The following HYI variants were observed in gnomAD, a reference collection of about 807,000 sequenced individuals.
The protein encoded by HYI is putative hydroxypyruvate isomerase.
HYI carries 47 observed loss-of-function variants against 39.7 expected under a neutral mutation model. That is an observed-to-expected ratio of 1.18 (90% confidence interval 0.94 to 1.51). The LOEUF (loss-of-function observed/expected upper bound fraction) is 1.51, where lower values mean the gene tolerates loss of function less well. Ranked by LOEUF, HYI falls within the 40% of genes most tolerant of loss-of-function variation. The pLI, the probability that HYI is intolerant of heterozygous loss-of-function variation, is 0.00. For synonymous variants in HYI, 186 were observed against 158.8 expected (o/e 1.17, Z -1.29); for missense variants, 465 against 370.3 (o/e 1.26, Z -2.10).
At chr1:43,451,369 C>T (rs747330436) in intron 7 of HYI, 41 bp downstream of exon 7, 28 of 1,611,950 alleles carry the variant, frequency 1.7e-5, no homozygotes, top group Admixed American at 3.3e-5. Flanking sequence ...AGCCCCTGTC[C>T]GGGTCCCTCC....
chr1:43,451,464 G>A lies in HYI; in HGVS notation c.706C>T (p.Leu236=). 1 of 1,614,090 alleles carries A rather than the reference G, an allele frequency of 6.2e-7. No individual in the cohort carries two copies. The highest frequency in any genetic ancestry group is 8.5e-7 in the Non-Finnish European group (1 of 1,180,044). The part of the protein sequence containing the change: ...GELNFPYLFQ[L]LEDEGYKGFV... Reference sequence around the variant, plus strand: ...CCTTTGTAGCCTTCATCTTCCAGCAGTTGAAACAGATAGGGGAAATTCAGC... The same window carrying A: ...CCTTTGTAGCCTTCATCTTCCAGCAATTGAAACAGATAGGGGAAATTCAGC... The change falls in exon 7 of 8, where the codon CTG becomes TTG. Residue 236 remains leucine, a synonymous_variant. Transcript: ENST00000372430.
chr1:43,451,764 CCTT>C (rs757231161), intron 5 of HYI, 31 bp downstream of exon 5: 2 of 1,613,944 alleles, frequency 1.2e-6, no homozygotes, highest in East Asian at 2.2e-5. Flanking sequence ...GCCCCGCCCT[CCTT>C]CCGATCTGCG....
rs897490203 is a variant in HYI at position 43,453,847 on chromosome 1, C to T, written c.-54G>A. The T allele has an allele frequency of 5.7e-6, 6 of 1,052,706 alleles. No individual in the cohort carries two copies. The highest frequency in any genetic ancestry group is 7.1e-6 in the Non-Finnish European group (6 of 842,354). The allele number at this position is 1,052,706 out of a possible 1,614,324, so 65.2% of individuals were successfully genotyped here. ...CGCGGGATCCAAAGGCGGCGGGCGGCGGGCGGCGGGCGGCGGGCGGGGGCG... is the reference window on the plus strand; with the variant it reads ...CGCGGGATCCAAAGGCGGCGGGCGGTGGGCGGCGGGCGGCGGGCGGGGGCG... On this transcript the variant is annotated 5_prime_UTR_variant, in exon 1 of 8. Coordinates refer to ENST00000372430, the MANE Select transcript of HYI (RefSeq NM_001190880.3).
In HYI at chr1:43,452,322, G is replaced by T. The variant is rs753436258; in HGVS notation, c.312-3C>A. 12 of 1,611,644 alleles carry T rather than the reference G, an allele frequency of 7.4e-6. No individual in the cohort carries two copies. The highest frequency in any genetic ancestry group is 1.0e-5 in the Non-Finnish European group (12 of 1,178,248). On this transcript the variant is annotated splice_polypyrimidine_tract_variant and splice_region_variant and intron_variant, in intron 2 of 7. Transcript: ENST00000372430. ...CTCGGCCAGCCATCAGGTGGATCCTGTGGGGAAGATGGACTGGAGGCCTTG... is the reference window on the plus strand; with the variant it reads ...CTCGGCCAGCCATCAGGTGGATCCTTTGGGGAAGATGGACTGGAGGCCTTG...
Position 43,453,804 on chromosome 1 carries a change from G to A in HYI, c.-11C>T. ...GCGCAGCGGCGCCATGCCTGGGGAGGCCGGGCCGGGCGGAGTCCGCGGGAT... is the reference window on the plus strand; with the variant it reads ...GCGCAGCGGCGCCATGCCTGGGGAGACCGGGCCGGGCGGAGTCCGCGGGAT... On this transcript the variant is annotated 5_prime_UTR_variant, in exon 1 of 8. Transcript: ENST00000372430. The A allele has an allele frequency of 8.0e-7, 1 of 1,256,712 alleles. No individual in the cohort carries two copies. Among genetic ancestry groups the A allele is most frequent in the Non-Finnish European group, 1.0e-6 (1 of 1,003,126 alleles). The allele number at this position is 1,256,712 out of a possible 1,614,324, so 77.8% of individuals were successfully genotyped here.
At chr1:43,452,841 T>C in intron 2 of HYI, 3 of 1,526,636 alleles carry the variant, frequency 2.0e-6, no homozygotes, top group Non-Finnish European at 2.7e-6. Context: ...CATCCCCTGA[T>C]CTTAGCCACA....
At chr1:43,451,363 CCT>C (rs2153937727) in intron 7 of HYI, 45 bp downstream of exon 7, 2 of 1,612,278 alleles carry the variant, frequency 1.2e-6, no homozygotes, top group Non-Finnish European at 1.7e-6. Context: ...GAAAACAGCC[CCT>C]GTCCGGGTCC....
rs1656652423 is a variant in HYI, at chr1:43,453,367, G to A, written c.311+19C>T. The A allele has an allele frequency of 2.7e-6, 4 of 1,491,866 alleles. No individual in the cohort carries two copies. In the East Asian group the frequency reaches 7.4e-5, roughly 28 times the overall value. 92.4% of individuals were successfully genotyped at this position (1,491,866 alleles called of 1,614,324 possible). ...AGGGTCATGGGTCACAGGGGTGGGG[G>A]TGGGGTGGAGCGGGGTACCTGGGAC... On this transcript the variant is annotated intron_variant, in intron 2 of 7. Transcript: ENST00000372430.
At chr1:43,453,560 C>G (rs1480959644) in intron 1 of HYI, 35 bp downstream of exon 1, 7 of 1,512,796 alleles carry the variant, frequency 4.6e-6, no homozygotes, top group Non-Finnish European at 6.2e-6. Context: ...CCCGGCACCC[C>G]CCAGCCCTCC....
rs1656517446 is a variant in HYI at position 43,452,236 on chromosome 1, T to C, written c.395A>G (p.Asn132Ser). 6.2e-7 allele frequency: 1 copy of C among 1,613,704 alleles called. No homozygotes were observed. The highest frequency in any genetic ancestry group is 8.5e-7 in the Non-Finnish European group (1 of 1,179,894). The change falls in exon 3 of 8, where the codon AAC becomes AGC. Residue 132 changes from asparagine to serine, a missense_variant. Coordinates refer to ENST00000372430, the MANE Select transcript of HYI (RefSeq NM_001190880.3). ...KAEMEAVFLE[N>S]LRHAAGVLAQ... is the part of the protein sequence containing the mutation. ...CAAAACCCCAGCTGCATGCCTCAGG[T>C]TCTCCAGAAAAACGGCCTCCATCTC...
In HYI at chr1:43,452,252, C is replaced by T. The variant is rs1656520152; in HGVS notation, c.379G>A (p.Ala127Thr). Residue 127 changes from alanine (A) to threonine (T), a missense_variant, in exon 3 of 8, where the codon GCC (alanine) becomes ACC (threonine). Ala to Thr is a moderately conservative substitution (Grantham distance 58, BLOSUM62 0). Coordinates refer to ENST00000372430, the MANE Select transcript of HYI (RefSeq NM_001190880.3). ...TGCCTCAGGTTCTCCAGAAAAACGG[C>T]CTCCATCTCAGCCTTGACTGCTATT... ...DRIAVKAEMEAVFLENLRHAA... is the reference protein window; with the variant it reads ...DRIAVKAEMETVFLENLRHAA... 1.9e-6 allele frequency: 3 copies of T among 1,614,092 alleles called. No individual in the cohort carries two copies. Among genetic ancestry groups the T allele is most frequent in the Non-Finnish European group, 1.7e-6 (2 of 1,179,984 alleles).
chr1:43,450,802 C>G, downstream of HYI: 1 of 707,136 alleles, frequency 1.4e-6, no homozygotes, highest in South Asian at 1.4e-5. The surrounding 1 kb of genome is among the most constrained non-coding windows in gnomAD (Gnocchi z 4.3). Context: ...GTGGCAAACA[C>G]CCCCTAGAGC....
Position 43,453,600 on chromosome 1 carries a change from G to T in HYI, c.194C>A (p.Pro65His), listed in dbSNP as rs955607259. 24 of 1,526,546 alleles carry T rather than the reference G, an allele frequency of 1.6e-5. No homozygotes were observed. The allele number at this position is 1,526,546 out of a possible 1,614,324, so 94.6% of individuals were successfully genotyped here. The change falls in exon 1 of 8, where the codon CCC becomes CAC. Residue 65 changes from proline (P) to histidine (H), a missense_variant. Coordinates refer to ENST00000372430, the MANE Select transcript of HYI (RefSeq NM_001190880.3). Reference sequence around the variant, plus strand: ...CCTCCCGGCCCGCGACGCACCCGGGGGCGTGTTGATCAGTACAAGCCGCAG... The same window carrying T: ...CCTCCCGGCCCGCGACGCACCCGGGTGCGTGTTGATCAGTACAAGCCGCAG... ...AGLRLVLINTPPGDQEKGEMG... is the reference protein window; with the variant it reads ...AGLRLVLINTHPGDQEKGEMG...
At chr1:43,451,772 T>A (rs371712799) in intron 5 of HYI, 26 bp downstream of exon 5, 4 of 1,614,030 alleles carry the variant, frequency 2.5e-6, no homozygotes, top group Non-Finnish European at 3.4e-6. Context: ...CTCCTTCCGA[T>A]CTGCGAAGTA....
rs776997759 is a variant in HYI, at chr1:43,452,278, C to T, written c.353G>A (p.Arg118Gln). The T allele has an allele frequency of 1.7e-5, 28 of 1,613,968 alleles. No individual in the cohort carries two copies. Among genetic ancestry groups the T allele is most frequent in the Non-Finnish European group, 2.4e-5 (28 of 1,179,988 alleles). ...MAGRVPQGAD[R>Q]IAVKAEMEAV... ...CTCCATCTCAGCCTTGACTGCTATTCGATCAGCTCCCTGGGGTACTCGGCC... is the reference window on the plus strand; with the variant it reads ...CTCCATCTCAGCCTTGACTGCTATTTGATCAGCTCCCTGGGGTACTCGGCC... Residue 118 changes from arginine (R) to glutamine (Q), a missense_variant, in exon 3 of 8, where the codon CGA becomes CAA. Physicochemically the swap from Arg to Gln is conservative, Grantham distance 43 (BLOSUM62 1). Transcript: ENST00000372430.
chr1:43,451,741 C>T (rs368334867), intron 5 of HYI, 24 bp from the exon 6 acceptor site: 44 of 1,613,766 alleles, frequency 2.7e-5, no homozygotes, highest in Middle Eastern at 3.3e-4. Flanking sequence ...TACTACATTC[C>T]GAGACCCCGC....
intron 2 of HYI, 131 bp downstream of exon 2, chr1:43,453,255 C>T: frequency 3.0e-6 from 2 of 673,502 alleles, no homozygotes; most frequent in South Asian, 3.7e-5. Context: ...TTACAAAGGA[C>T]CAGGACCGCA....
chr1:43,452,506 C>T (rs557438886), intron 2 of HYI, 187 bp from the exon 3 acceptor site: 130 of 685,006 alleles, frequency 1.9e-4, no homozygotes, highest in Non-Finnish European at 2.8e-4. Flanking sequence ...CAAGCCCTTT[C>T]CCAGACATCT....
chr1:43,452,018 C>T lies in HYI; in HGVS notation c.427-5G>A. 2 of 1,603,456 alleles carry T rather than the reference C, an allele frequency of 1.2e-6. No homozygotes were observed. The highest frequency in any genetic ancestry group is 1.7e-6 in the Non-Finnish European group (2 of 1,173,564). On this transcript the variant is annotated splice_polypyrimidine_tract_variant and splice_region_variant and intron_variant, in intron 3 of 7. Coordinates refer to ENST00000372430, the MANE Select transcript of HYI (RefSeq NM_001190880.3). ...CAGCAGTCCCACGAGGTCCTCCTAG[C>T]AGCATGTCGGGTGCTGTGAATAGAG...
Sources: gnomAD v4.1 joint callset for allele counts on GRCh38, gnomAD v4.1.1 for gene constraint, Gnocchi (gnomAD v3.1) non-coding constraint, MANE v1.5 for transcripts, NCBI Gene and HGNC (gene_info 2026-07-23, HGNC 2026-07-21) for gene names.